The following FHAD1 variants were observed in gnomAD, a reference collection of about 807,000 sequenced individuals.
The protein encoded by FHAD1 is forkhead-associated domain-containing protein 1.
FHAD1 carries 146 observed loss-of-function variants against 191.3 expected under a neutral mutation model. The ratio of observed to expected loss-of-function variants is 0.76; its 90% CI spans 0.67 to 0.88. The LOEUF (loss-of-function observed/expected upper bound fraction) is 0.88, where lower values mean the gene tolerates loss of function less well. Among genes scored for constraint, FHAD1 ranks in the 40% least tolerant of loss-of-function variants. The pLI is 0.00. For synonymous variants in FHAD1, 616 were observed against 672.3 expected, an observed-to-expected ratio of 0.92 and a Z score of 1.29; for missense variants, 1,635 against 1,785.8, an observed-to-expected ratio of 0.92 and a Z score of 1.52.
rs566309655 is a variant in FHAD1 at position 15,397,625 on chromosome 1, G to A, written c.*212G>A. 70 of 354,364 alleles carry A rather than the reference G, an allele frequency of 2.0e-4. No homozygotes were observed. Among genetic ancestry groups the A allele is most frequent in the Middle Eastern group, 6.5e-4 (1 of 1,548 alleles). The allele number at this position is 354,364 out of a possible 1,614,324, so 22.0% of individuals were successfully genotyped here. A position where few individuals can be genotyped will look rare whatever the true frequency, so the allele number is the denominator to read the frequency against. ...TTTAAAAATACCTATGAATGTACAC[G>A]AACTCAGGTATATGAAGAATAGAAG... On this transcript the variant is annotated 3_prime_UTR_variant, in exon 34 of 34. Coordinates refer to ENST00000688493, the MANE Select transcript of FHAD1 (RefSeq NM_001391957.1).
At chr1:15,272,799 T>G (rs1656678588) in intron 3 of FHAD1, among the ~76,000 whole-genome samples, 1 of 152,208 alleles carries the variant, frequency 6.6e-6, no homozygotes, top group African/African-American at 2.4e-5. Context: ...TGCAACTTCC[T>G]GAGAGGAGGC....
chr1:15,367,593 G>C lies in FHAD1; in HGVS notation c.3285G>C (p.Arg1095=), dbSNP rs1197125565. The C allele has an allele frequency of 2.6e-5, 40 of 1,547,920 alleles. No homozygotes were observed. Among genetic ancestry groups the C allele is most frequent in the Non-Finnish European group, 3.4e-5 (39 of 1,146,230 alleles). Residue 1095 remains arginine (R), a synonymous_variant, in exon 25 of 34, where the codon CGG becomes CGC. Coordinates refer to ENST00000688493, the MANE Select transcript of FHAD1 (RefSeq NM_001391957.1). ...QMSSLVEKKD[R]ELKALEEALR... ...GCAGCCTGGTAGAAAAGAAAGATCG[G>C]GAGCTGAAGGCCCTTGAGGAGGCAC... is the stretch of plus-strand genomic sequence containing the variant.
intron 3 of FHAD1, 95 bp downstream of exon 3, chr1:15,272,624 T>G: frequency 3.6e-6 from 4 of 1,123,544 alleles, no homozygotes; most frequent in Non-Finnish European, 5.1e-6. Context: ...TCCACATTGG[T>G]GCCACTGTGA....
intron 33 of FHAD1, 39 bp from the exon 34 acceptor site, chr1:15,397,258 G>A: frequency 1.0e-6 from 1 of 971,846 alleles, no homozygotes; most frequent in Non-Finnish European, 1.5e-6. Flanking sequence ...GAGTCTTGCT[G>A]CAATGGAGTT....
In FHAD1 at chr1:15,352,885, G is replaced by A; in HGVS notation, c.2463G>A (p.Glu821=). ...CTTTCATTGACTTCCAGATCTCAGA[G>A]AGCAACATTGCGTACGAGAAACGCA... is the stretch of plus-strand genomic sequence containing the variant. ...NHLTQQKEIS[E]SNIAYEKRKA... The change falls in exon 20 of 34, where the codon GAG becomes GAA. Residue 821 remains glutamate, a synonymous_variant. Transcript: ENST00000688493. The A allele has an allele frequency of 6.4e-7, 1 of 1,551,364 alleles. No individual in the cohort carries two copies. The highest frequency in any genetic ancestry group is 8.7e-7 in the Non-Finnish European group (1 of 1,146,842).
intron 16 of FHAD1, among the ~76,000 whole-genome samples, chr1:15,343,276 G>T (rs1254150822): frequency 2.6e-5 from 4 of 152,058 alleles, no homozygotes; most frequent in Non-Finnish European, 4.4e-5. Context: ...GCACTCCCGG[G>T]TGGTCGCAAA....
At chr1:15,332,858 C>T (rs1682290807) in intron 14 of FHAD1, among the ~76,000 whole-genome samples, 1 of 152,208 alleles carries the variant, frequency 6.6e-6, no homozygotes, top group African/African-American at 2.4e-5. Flanking sequence ...ATTTGAACAA[C>T]ATTAAGCAGG....
In FHAD1 at chr1:15,276,750, G is replaced by T. The variant is rs531405838; in HGVS notation, c.300+4221G>T. 1.3e-4 allele frequency among the ~76,000 whole-genome samples: 19 copies of T among 151,392 alleles called. No individual in the cohort carries two copies. The highest frequency in any genetic ancestry group is 1.6e-4 in the Non-Finnish European group (11 of 67,892). On this transcript the variant is annotated intron_variant, in intron 3 of 33. Transcript: ENST00000688493. The surrounding 1 kb of genome is among the most constrained non-coding windows in gnomAD (Gnocchi z 4.7). ...CCGGGAGGCAGAGGTTGCAATGAGCGAAGATCATGCCACAGCCTGGGCAAC... is the reference window on the plus strand; with the variant it reads ...CCGGGAGGCAGAGGTTGCAATGAGCTAAGATCATGCCACAGCCTGGGCAAC...
At position 15,272,356 on chromosome 1, in the gene FHAD1, G is replaced by T. The variant is rs1656439734; in HGVS notation, c.127G>T (p.Glu43Ter). ...CATCGACAACCACCATGCACTCATT[G>T]AATATAACGAGGCGGAGTGCAGCTT... The part of the protein sequence containing the change: ...PDIDNHHALI[E>*]YNEAECSFVL... The change falls in exon 3 of 34, where the codon GAA becomes TAA. Residue 43 changes from glutamate (E) to a stop codon, truncating the protein, a stop_gained. Coordinates refer to ENST00000688493, the MANE Select transcript of FHAD1 (RefSeq NM_001391957.1). LOFTEE classifies it high-confidence loss of function. The T allele has an allele frequency of 6.4e-7, 1 of 1,551,688 alleles. No homozygotes were observed. The highest frequency in any genetic ancestry group is 1.2e-5 in the South Asian group (1 of 84,052).
intron 18 of FHAD1, among the ~76,000 whole-genome samples, chr1:15,346,781 A>G (rs1281378160): frequency 6.6e-6 from 1 of 152,170 alleles, no homozygotes; most frequent in Non-Finnish European, 1.5e-5. Context: ...GATGAGACAC[A>G]AGTTCAAATC....
chr1:15,359,536 A>G (rs1693992204), intron 21 of FHAD1, among the ~76,000 whole-genome samples: 1 of 152,190 alleles, frequency 6.6e-6, no homozygotes, highest in Admixed American at 6.5e-5. Flanking sequence ...GGTCATTAGT[A>G]ATTTTTTGTT....
At chr1:15,293,832 G>A (rs1352566858) in intron 4 of FHAD1, among the ~76,000 whole-genome samples, 2 of 152,144 alleles carry the variant, frequency 1.3e-5, no homozygotes, top group East Asian at 3.8e-4. Context: ...AGACACAGAT[G>A]CTGTTTCTTT....
At chr1:15,301,918 T>C (rs1315942767) in intron 6 of FHAD1, among the ~76,000 whole-genome samples, 1 of 152,050 alleles carries the variant, frequency 6.6e-6, no homozygotes, top group Non-Finnish European at 1.5e-5. Context: ...TCCCAACTAC[T>C]TGGGAGGCCG....
intron 3 of FHAD1, among the ~76,000 whole-genome samples, chr1:15,277,882 C>T (rs1476377281): frequency 6.6e-6 from 1 of 152,106 alleles, no homozygotes; most frequent in East Asian, 1.9e-4. Flanking sequence ...ATTTACTATA[C>T]GTACCAGGAA....
intron 14 of FHAD1, among the ~76,000 whole-genome samples, chr1:15,336,951 G>A (rs1314673684): frequency 6.6e-6 from 1 of 152,190 alleles, no homozygotes; most frequent in East Asian, 1.9e-4. Flanking sequence ...CTCCTGTGCA[G>A]TCAGCCCTTG....
intron 4 of FHAD1, among the ~76,000 whole-genome samples, chr1:15,294,743 C>T (rs899689197): frequency 6.6e-6 from 1 of 152,066 alleles, no homozygotes; most frequent in African/African-American, 2.4e-5. Context: ...TCTACCCACT[C>T]GATGCTCTCA....
At chr1:15,260,519 G>A (rs1650531849) in intron 2 of FHAD1, among the ~76,000 whole-genome samples, 1 of 152,168 alleles carries the variant, frequency 6.6e-6, no homozygotes, top group Admixed American at 6.5e-5. Flanking sequence ...CTCTTGGCTG[G>A]AGGCTCCAGG....
At chr1:15,396,542 C>T (rs1706038914) in intron 33 of FHAD1, among the ~76,000 whole-genome samples, 2 of 152,246 alleles carry the variant, frequency 1.3e-5, no homozygotes, top group Middle Eastern at 6.8e-3. Context: ...GGTGTGGTGG[C>T]TTATGCCTGT....
chr1:15,317,025 A>T (rs1674664922), intron 9 of FHAD1, among the ~76,000 whole-genome samples: 1 of 152,126 alleles, frequency 6.6e-6, no homozygotes, highest in African/African-American at 2.4e-5. Flanking sequence ...GTCTCTACTG[A>T]AATACAAAAA....
Sources: gnomAD v4.1 joint callset for allele counts (sites outside exome capture counted in the v4.1 genomes callset) on GRCh38, gnomAD v4.1.1 for gene constraint, Gnocchi (gnomAD v3.1) non-coding constraint, MANE v1.5 for transcripts, NCBI Gene and HGNC (gene_info 2026-07-23, HGNC 2026-07-21) for gene names.